LARS2: variants seen among roughly 807,000 people sequenced by gnomAD.
The protein encoded by LARS2 is leucyl-tRNA synthetase 2, mitochondrial.
Under a neutral mutation model 116.6 loss-of-function variants are expected in LARS2, and 81 were observed. The ratio of observed to expected loss-of-function variants is 0.69; its 90% confidence interval spans 0.58 to 0.84. LARS2 has a LOEUF of 0.84. Among genes scored for constraint, LARS2 ranks in the 40% least tolerant of loss-of-function variants. LARS2 has a pLI of 0.00. For synonymous variants in LARS2, 396 were observed against 407.2 expected, an observed-to-expected ratio of 0.97 and a Z score of 0.33; for missense variants, 968 against 1,114.5, an observed-to-expected ratio of 0.87 and a Z score of 1.87.
intron 8 of LARS2, among the ~76,000 whole-genome samples, chr3:45,464,718 G>C (rs113475828): frequency 6.6e-6 from 1 of 152,134 alleles, no homozygotes; most frequent in Non-Finnish European, 1.5e-5. Context: ...TTCTAAGGGG[G>C]AGGGGCGGCA....
intron 12 of LARS2, 86 bp from the exon 13 acceptor site, chr3:45,491,431 A>G (rs946715367): frequency 6.9e-6 from 10 of 1,452,450 alleles, no homozygotes; most frequent in South Asian, 1.3e-5. Context: ...AGAGCCACAC[A>G]TAAACATGGC....
chr3:45,479,816 C>A (rs1291147006), intron 10 of LARS2, among the ~76,000 whole-genome samples: 1 of 152,116 alleles, frequency 6.6e-6, no homozygotes, highest in East Asian at 1.9e-4. Flanking sequence ...TTCTTGCATT[C>A]CTAATATTAA....
chr3:45,420,214 G>A (rs1019670304), intron 6 of LARS2, among the ~76,000 whole-genome samples: 6 of 152,196 alleles, frequency 3.9e-5, no homozygotes, highest in Admixed American at 2.6e-4. Flanking sequence ...TAAATCAGTG[G>A]AGAATCAGTG....
intron 10 of LARS2, among the ~76,000 whole-genome samples, chr3:45,484,309 G>A (rs1007041867): frequency 6.6e-6 from 1 of 151,512 alleles, no homozygotes; most frequent in Non-Finnish European, 1.5e-5. Context: ...TGCTTATATT[G>A]TAAATTAAGT....
intron 21 of LARS2, among the ~76,000 whole-genome samples, chr3:45,543,288 G>A (rs1700823772): frequency 6.6e-6 from 1 of 151,958 alleles, no homozygotes; most frequent in Admixed American, 6.6e-5. Flanking sequence ...CTTGTGGCAT[G>A]GAGGAAATTT....
rs34191038 is a variant in LARS2 at position 45,541,805 on chromosome 3, C to T, written c.2405-24C>T. Reference sequence around the variant, plus strand: ...CCTCCCTGTTCTTAGAGTGACCCCACGCTTCTGTGCCTCGGCATTGCAGGC... The same window carrying T: ...CCTCCCTGTTCTTAGAGTGACCCCATGCTTCTGTGCCTCGGCATTGCAGGC... On this transcript the variant is annotated intron_variant, in intron 20 of 21. Transcript: ENST00000645846. 0.16 allele frequency: 263,075 copies of T among 1,612,684 alleles called. 22,303 individuals carry two copies. Among genetic ancestry groups the T allele is most frequent in the Middle Eastern group, 0.18 (1,050 of 5,942 alleles).
chr3:45,474,296 G>A lies in LARS2; in HGVS notation c.804G>A (p.Met268Ile). Residue 268 changes from methionine to isoleucine, a missense_variant, in exon 9 of 22, where the codon ATG (methionine) becomes ATA (isoleucine). By Grantham distance (10) the Met-to-Ile change is conservative. Transcript: ENST00000645846. ...DLPEWYGIKG[M>I]QAHWIGDCVG... ...CAGAATGGTATGGAATAAAAGGCAT[G>A]CAAGCCCACTGGATTGGGGACTGTG... 1 of 1,611,928 alleles carries A rather than the reference G, an allele frequency of 6.2e-7. No homozygotes were observed. Among genetic ancestry groups the A allele is most frequent in the East Asian group, 2.2e-5 (1 of 44,836 alleles).
chr3:45,414,028 A>G (rs1290669621), intron 4 of LARS2, among the ~76,000 whole-genome samples: 1 of 152,208 alleles, frequency 6.6e-6, no homozygotes, highest in Admixed American at 6.5e-5. Flanking sequence ...ATTTGGCTGT[A>G]TATGTCAAAC....
intron 7 of LARS2, among the ~76,000 whole-genome samples, chr3:45,447,667 T>A (rs554250294): frequency 6.6e-6 from 1 of 152,118 alleles, no homozygotes; most frequent in African/African-American, 2.4e-5. Flanking sequence ...CAAATAAACT[T>A]CTATCAATAA....
At chr3:45,535,487 A>G (rs986559009) in intron 20 of LARS2, among the ~76,000 whole-genome samples, 5 of 152,194 alleles carry the variant, frequency 3.3e-5, no homozygotes, top group African/African-American at 1.2e-4. Context: ...AACAGCTTGG[A>G]TGGATCTTAG....
At chr3:45,490,946 C>T (rs1046657927) in intron 12 of LARS2, among the ~76,000 whole-genome samples, 2 of 152,204 alleles carry the variant, frequency 1.3e-5, no homozygotes, top group African/African-American at 4.8e-5. Context: ...TTCTTCAAGC[C>T]GAAGCCTCAG....
chr3:45,398,679 A>G (rs1033963281), intron 3 of LARS2, among the ~76,000 whole-genome samples: 2 of 152,044 alleles, frequency 1.3e-5, no homozygotes, highest in African/African-American at 4.8e-5. Flanking sequence ...CCCTCCTATT[A>G]CTTGGGTAGG....
chr3:45,426,253 A>G (rs893413339), intron 6 of LARS2, among the ~76,000 whole-genome samples: 1 of 152,268 alleles, frequency 6.6e-6, no homozygotes, highest in Non-Finnish European at 1.5e-5. Flanking sequence ...TTTAAAGAAT[A>G]GCTTAAAACA....
intron 11 of LARS2, 51 bp downstream of exon 11, chr3:45,485,847 A>T (rs1222881697): frequency 2.8e-6 from 3 of 1,069,152 alleles, no homozygotes; most frequent in South Asian, 2.7e-5. Flanking sequence ...CAGATTTAGA[A>T]TCAAAATACT....
chr3:45,430,424 G>A (rs1302759820), intron 6 of LARS2, among the ~76,000 whole-genome samples: 5 of 149,828 alleles, frequency 3.3e-5, no homozygotes, highest in Admixed American at 6.7e-5. Context: ...GACTACAGGC[G>A]CCTGCCACCA....
intron 21 of LARS2, among the ~76,000 whole-genome samples, chr3:45,542,363 T>C (rs1700811870): frequency 6.6e-6 from 1 of 152,218 alleles, no homozygotes; most frequent in South Asian, 2.1e-4. Flanking sequence ...GAGTAATACC[T>C]GTAAAACATA....
intron 21 of LARS2, among the ~76,000 whole-genome samples, chr3:45,546,649 G>A (rs267265): frequency 0.76 from 109,892 of 145,270 alleles, 43,564 homozygotes; most frequent in East Asian, 0.92. Context: ...AGATTTCGGA[G>A]CAATGGGATT....
chr3:45,511,532 A>G (rs1700289501), intron 15 of LARS2, among the ~76,000 whole-genome samples: 1 of 152,074 alleles, frequency 6.6e-6, no homozygotes, highest in African/African-American at 2.4e-5. Flanking sequence ...TACCGCTAGG[A>G]CTTACACTTT....
intron 6 of LARS2, among the ~76,000 whole-genome samples, 179 bp from the exon 7 acceptor site, chr3:45,446,712 A>G (rs1453837861): frequency 1.3e-5 from 2 of 152,260 alleles, no homozygotes; most frequent in Non-Finnish European, 2.9e-5. Context: ...CATTTCAATA[A>G]CATCTCTTTC....
Sources: gnomAD v4.1 joint callset for allele counts (sites outside exome capture counted in the v4.1 genomes callset) on GRCh38, gnomAD v4.1.1 for gene constraint, MANE v1.5 for transcripts, NCBI Gene and HGNC (gene_info 2026-07-23, HGNC 2026-07-21) for gene names.